The following OVAAL variants were observed in gnomAD, a reference collection of about 807,000 sequenced individuals.
The protein encoded by OVAAL is long intergenic non-protein coding RNA 1131.
chr1:180,563,724 C>G (rs1428011562), intron 2 of OVAAL, among the ~76,000 whole-genome samples: 1 of 152,136 alleles, frequency 6.6e-6, no homozygotes, highest in Non-Finnish European at 1.5e-5. Context: ...CTTCCCTTTA[C>G]TGGTGACATG....
At chr1:180,564,590 C>A (rs903627575) in intron 2 of OVAAL, among the ~76,000 whole-genome samples, 2 of 152,148 alleles carry the variant, frequency 1.3e-5, no homozygotes, top group Non-Finnish European at 2.9e-5. Flanking sequence ...GGACCAGTCA[C>A]CTGAGCCACT....
chr1:180,562,444 T>C (rs1653220432), intron 2 of OVAAL: 1 of 152,200 alleles, frequency 6.6e-6, no homozygotes, highest in Non-Finnish European at 1.5e-5. Context: ...AACTAAGGTA[T>C]CGAGGGTCTC....
intron 2 of OVAAL, among the ~76,000 whole-genome samples, chr1:180,564,523 T>A (rs76920399): frequency 0.019 from 2,827 of 152,188 alleles, 96 homozygotes; most frequent in African/African-American, 0.066. Context: ...AGGCTCCAAA[T>A]GATTTAGGAC....
At chr1:180,562,778 T>G (rs969388230) in intron 2 of OVAAL, among the ~76,000 whole-genome samples, 3 of 152,122 alleles carry the variant, frequency 2.0e-5, no homozygotes, top group African/African-American at 7.2e-5. Context: ...AGGGCTGATA[T>G]TTTCTGAAAT....
exon 3 of OVAAL, chr1:180,565,953 T>G (rs930684544): frequency 6.6e-6 from 1 of 152,216 alleles, no homozygotes; most frequent in Non-Finnish European, 1.5e-5. Flanking sequence ...ACAGTGCTTT[T>G]TAAAGGTAGC....
At chr1:180,559,569 A>G (rs1571620534) in intron 1 of OVAAL, among the ~76,000 whole-genome samples, 1 of 152,228 alleles carries the variant, frequency 6.6e-6, no homozygotes, top group East Asian at 1.9e-4. Context: ...AAAGGGAAAC[A>G]GAGCATAAAA....
At chr1:180,565,903 C>T (rs970231423) in exon 3 of OVAAL, 1 of 152,074 alleles carries the variant, frequency 6.6e-6, no homozygotes, top group Admixed American at 6.6e-5. Flanking sequence ...CATACAGTGC[C>T]CTTTACACTT....
At chr1:180,561,043 GGCTCAGT>G (rs1444245553) in intron 1 of OVAAL, among the ~76,000 whole-genome samples, 1 of 152,076 alleles carries the variant, frequency 6.6e-6, no homozygotes, top group East Asian at 1.9e-4. Context: ...CTGCATTCCA[GGCTCAGT>G]GAATTAGTGA....
At chr1:180,559,522 GA>G (rs1250330481) in intron 1 of OVAAL, among the ~76,000 whole-genome samples, 2 of 152,194 alleles carry the variant, frequency 1.3e-5, no homozygotes, top group African/African-American at 4.8e-5. Flanking sequence ...AAGCATTCAA[GA>G]GGTGACTTGG....
intron 2 of OVAAL, among the ~76,000 whole-genome samples, chr1:180,564,639 G>A (rs9943120): frequency 0.37 from 55,499 of 151,966 alleles, 11,395 homozygotes; most frequent in Non-Finnish European, 0.46. Context: ...CTAGGAATAC[G>A]CTGGGACTAG....
chr1:180,563,127 A>G (rs1433635411), intron 2 of OVAAL, among the ~76,000 whole-genome samples: 2 of 152,196 alleles, frequency 1.3e-5, no homozygotes, highest in African/African-American at 4.8e-5. Context: ...TGCTTATGGC[A>G]GAGAGGAGAC....
In OVAAL at chr1:180,562,640, C is replaced by A. The variant is rs140531471; in HGVS notation, n.513+296C>A. ...AAGCCTGGTGATCAAAGCAAGGAGA[C>A]AAACCTGAGGCTGCCATCAGGTGCT... On this transcript the variant is annotated intron_variant and non_coding_transcript_variant, in intron 2 of 2. Transcript: ENST00000673955. Among the ~76,000 whole-genome samples the A allele has an allele frequency of 1.7e-3, 259 of 152,274 alleles. 2 individuals are homozygous for A. Among genetic ancestry groups the A allele is most frequent in the South Asian group, 6.0e-3 (29 of 4,814 alleles).
At chr1:180,565,036 G>GA (rs1653267233) in intron 2 of OVAAL, among the ~76,000 whole-genome samples, 1 of 152,284 alleles carries the variant, frequency 6.6e-6, no homozygotes, top group Non-Finnish European at 1.5e-5. Flanking sequence ...TTATAGCCCA[G>GA]AAAATATGAC....
At chr1:180,559,325 A>G (rs542735736) in intron 1 of OVAAL, among the ~76,000 whole-genome samples, 10 of 152,284 alleles carry the variant, frequency 6.6e-5, no homozygotes, top group Non-Finnish European at 1.0e-4. Flanking sequence ...AGTGATATGG[A>G]CAATAAGGTC....
intron 2 of OVAAL, among the ~76,000 whole-genome samples, chr1:180,563,417 G>C (rs1243556341): frequency 6.6e-6 from 1 of 152,104 alleles, no homozygotes; most frequent in Non-Finnish European, 1.5e-5. Context: ...AACCTCAATC[G>C]GGGCATAAGG....
intron 2 of OVAAL, among the ~76,000 whole-genome samples, chr1:180,563,599 C>T (rs2102145924): frequency 6.6e-6 from 1 of 152,184 alleles, no homozygotes. Context: ...GGTCTTCTCC[C>T]CTGATTCTTT....
At chr1:180,560,415 A>G in intron 1 of OVAAL, among the ~76,000 whole-genome samples, 1 of 151,144 alleles carries the variant, frequency 6.6e-6, no homozygotes, top group South Asian at 2.1e-4. Flanking sequence ...GCGAGGTCAT[A>G]GAACCAGGAT....
chr1:180,561,305 A>G (rs1040724421), intron 1 of OVAAL, among the ~76,000 whole-genome samples: 1 of 152,220 alleles, frequency 6.6e-6, no homozygotes, highest in Non-Finnish European at 1.5e-5. Flanking sequence ...AGCTGCAGTT[A>G]TGGCAAGAAG....
At chr1:180,559,904 TA>T (rs35042780) in intron 1 of OVAAL, among the ~76,000 whole-genome samples, 89,998 of 140,190 alleles carry the variant, frequency 0.64, 28,799 homozygotes, top group South Asian at 0.8. Context: ...AGACTCCATT[TA>T]AAAAAAAAAA....
Sources: gnomAD v4.1 joint callset for allele counts (sites outside exome capture counted in the v4.1 genomes callset) on GRCh38, gnomAD v4.1.1 for gene constraint, MANE v1.5 for transcripts, NCBI Gene and HGNC (gene_info 2026-07-23, HGNC 2026-07-21) for gene names.